The following TMEM135 variants were observed in gnomAD, a reference collection of about 807,000 sequenced individuals.
TMEM135 encodes transmembrane protein 135.
Under a neutral mutation model 60.3 loss-of-function variants are expected in TMEM135, and 30 were observed. The observed-to-expected ratio is 0.50, with a 90% CI of 0.37 to 0.68. The LOEUF (loss-of-function observed/expected upper bound fraction) is 0.68. Ranked by LOEUF, TMEM135 falls within the 30% of genes least tolerant of loss-of-function variation. The pLI is 0.00. For synonymous variants in TMEM135, 190 were observed against 186.7 expected, an observed-to-expected ratio of 1.02 and a Z score of -0.14; for missense variants, 468 against 548.8, an observed-to-expected ratio of 0.85 and a Z score of 1.47.
chr11:87,180,696 C>G (rs988978871), intron 5 of TMEM135, among the ~76,000 whole-genome samples: 1 of 152,168 alleles, frequency 6.6e-6, no homozygotes, highest in Non-Finnish European at 1.5e-5. Flanking sequence ...ACTAAAAAGA[C>G]TTGGGAAACT....
intron 6 of TMEM135, among the ~76,000 whole-genome samples, chr11:87,242,181 T>G (rs1175519300): frequency 6.6e-6 from 1 of 151,472 alleles, no homozygotes; most frequent in African/African-American, 2.4e-5. Context: ...GGACATGAAC[T>G]CATCATTTTT....
At chr11:87,127,654 G>T (rs945015019) in intron 4 of TMEM135, among the ~76,000 whole-genome samples, 1 of 152,166 alleles carries the variant, frequency 6.6e-6, no homozygotes, top group African/African-American at 2.4e-5. Flanking sequence ...TCTGTAAGAG[G>T]CCAGTTAAAG....
At chr11:87,074,389 A>G (rs1856830484) in intron 3 of TMEM135, among the ~76,000 whole-genome samples, 1 of 152,204 alleles carries the variant, frequency 6.6e-6, no homozygotes, top group Admixed American at 6.5e-5. Flanking sequence ...CTGTAAGTAG[A>G]GTTATTCTGG....
intron 6 of TMEM135, among the ~76,000 whole-genome samples, chr11:87,269,797 A>G (rs1291952047): frequency 2.0e-5 from 3 of 150,636 alleles, no homozygotes; most frequent in African/African-American, 2.4e-5. Context: ...TAGTGCCGCA[A>G]TAAACATACG....
At chr11:87,222,296 A>T (rs527294218) in intron 5 of TMEM135, among the ~76,000 whole-genome samples, 10 of 149,266 alleles carry the variant, frequency 6.7e-5, no homozygotes, top group African/African-American at 2.5e-4. Context: ...GGAGATCGAG[A>T]CCATCCTGGC....
At chr11:87,141,458 G>A (rs948922788) in intron 4 of TMEM135, among the ~76,000 whole-genome samples, 2 of 152,052 alleles carry the variant, frequency 1.3e-5, no homozygotes, top group Non-Finnish European at 2.9e-5. Context: ...CTAAACTTAT[G>A]ACTAGATCAC....
chr11:87,071,463 C>T (rs1856771626), intron 2 of TMEM135, 60 bp from the exon 3 acceptor site: 3 of 1,276,034 alleles, frequency 2.4e-6, no homozygotes, highest in Non-Finnish European at 2.3e-6. Context: ...AACTTCTATT[C>T]ATAATAACTG....
intron 5 of TMEM135, among the ~76,000 whole-genome samples, chr11:87,176,820 T>TAAA (rs1191685607): frequency 6.6e-6 from 1 of 152,110 alleles, no homozygotes; most frequent in African/African-American, 2.4e-5. Flanking sequence ...TTTACACATG[T>TAAA]ATACCTCTTT....
At chr11:87,080,364 A>G (rs1415023964) in intron 3 of TMEM135, among the ~76,000 whole-genome samples, 2 of 152,108 alleles carry the variant, frequency 1.3e-5, no homozygotes, top group Non-Finnish European at 2.9e-5. Context: ...GAGATAACCA[A>G]AAATTCCTAC....
intron 6 of TMEM135, among the ~76,000 whole-genome samples, chr11:87,245,563 A>G (rs1941248591): frequency 7.0e-6 from 1 of 143,696 alleles, no homozygotes; most frequent in African/African-American, 2.7e-5. Context: ...TATTTAGGAT[A>G]GTTAGCTCTT....
Position 87,306,014 on chromosome 11 carries a change from A to G in TMEM135, c.768+9A>G, listed in dbSNP as rs1326785208. 6.5e-7 allele frequency: 1 copy of G among 1,545,108 alleles called. No individual in the cohort carries two copies. Among genetic ancestry groups the G allele is most frequent in the East Asian group, 2.3e-5 (1 of 43,802 alleles). ...TCTCTTATTGCATTAAAGTAAGTAT[A>G]TGAAAGTATGTACTTTATTAACAGT... On this transcript the variant is annotated intron_variant, in intron 9 of 14. Transcript: ENST00000305494.
intron 12 of TMEM135, 23 bp downstream of exon 12, chr11:87,314,570 A>G (rs768426243): frequency 1.9e-6 from 3 of 1,584,674 alleles, no homozygotes; most frequent in Non-Finnish European, 1.7e-6. Context: ...TTTGTGCAAG[A>G]ATAGTTCCAA....
At chr11:87,249,615 T>G (rs1220332841) in intron 6 of TMEM135, among the ~76,000 whole-genome samples, 1 of 152,076 alleles carries the variant, frequency 6.6e-6, no homozygotes, top group East Asian at 1.9e-4. Context: ...CTGCTTTCAC[T>G]TAGTACTGAT....
chr11:87,252,443 A>G (rs941032425), intron 6 of TMEM135, among the ~76,000 whole-genome samples: 1 of 152,234 alleles, frequency 6.6e-6, no homozygotes. Flanking sequence ...TTCTAAATAC[A>G]TGGTCTTTCT....
chr11:87,057,341 T>C (rs1331263596), intron 1 of TMEM135, among the ~76,000 whole-genome samples: 1 of 152,164 alleles, frequency 6.6e-6, no homozygotes, highest in East Asian at 1.9e-4. Flanking sequence ...TACAGTATCA[T>C]CATTACGGAA....
chr11:87,258,285 CA>C (rs1941571552), intron 6 of TMEM135, among the ~76,000 whole-genome samples: 1 of 151,456 alleles, frequency 6.6e-6, no homozygotes, highest in Admixed American at 6.6e-5. Context: ...ACAAATCTAA[CA>C]GCCAAAATGT....
chr11:87,219,921 A>C (rs181694857), intron 5 of TMEM135, among the ~76,000 whole-genome samples: 1 of 152,288 alleles, frequency 6.6e-6, no homozygotes, highest in East Asian at 1.9e-4. Flanking sequence ...TGCTGTAGTC[A>C]CTACTAAGTA....
intron 9 of TMEM135, 61 bp downstream of exon 9, chr11:87,306,066 T>A: frequency 7.2e-6 from 7 of 972,272 alleles, no homozygotes; most frequent in East Asian, 2.9e-5. Context: ...AATTATTTAT[T>A]TATTTAGAAA....
intron 9 of TMEM135, 50 bp from the exon 10 acceptor site, chr11:87,309,455 A>G: frequency 6.2e-7 from 1 of 1,606,282 alleles, no homozygotes; most frequent in Non-Finnish European, 8.5e-7. Context: ...ATTCTATCAA[A>G]AACTTCAAAA....
Sources: allele counts gnomAD v4.1 joint callset (sites outside exome capture counted in the v4.1 genomes callset), GRCh38; gene constraint gnomAD v4.1.1; transcripts MANE v1.5; gene names NCBI Gene and HGNC (gene_info 2026-07-23, HGNC 2026-07-21).